RUNX2: variants seen among roughly 807,000 people sequenced by gnomAD.
RUNX2 encodes the protein runt-related transcription factor 2.
In RUNX2, 10 loss-of-function variants were observed where a neutral mutation model predicts 51.7. The observed-to-expected ratio is 0.19, with a 90% confidence interval of 0.12 to 0.33. The LOEUF is 0.33. RUNX2 is among the 10% of genes least tolerant of loss of function. RUNX2 has a pLI of 1.00. For synonymous variants in RUNX2, 276 were observed against 273.6 expected, an observed-to-expected ratio of 1.01 and a Z score of -0.09; for missense variants, 562 against 691.3, an observed-to-expected ratio of 0.81 and a Z score of 2.10.
chr6:45,382,743 G>A (rs1797269525), intron 2 of RUNX2, among the ~76,000 whole-genome samples: 1 of 152,226 alleles, frequency 6.6e-6, no homozygotes, highest in Admixed American at 6.5e-5. Flanking sequence ...GACATCGTAA[G>A]ATTTAGGCTT....
intron 5 of RUNX2, among the ~76,000 whole-genome samples, chr6:45,457,838 G>A (rs898817629): frequency 6.6e-6 from 1 of 152,126 alleles, no homozygotes; most frequent in Non-Finnish European, 1.5e-5. Context: ...GAAAAACATA[G>A]AGGCCCAGTC....
At chr6:45,331,437 G>C (rs10948226) in intron 2 of RUNX2, among the ~76,000 whole-genome samples, 33,268 of 151,752 alleles carry the variant, frequency 0.22, 4,463 homozygotes, top group Non-Finnish European at 0.31. Flanking sequence ...ATAGTTTCAA[G>C]ATTCAGTAGT....
At chr6:45,418,193 T>G (rs910709703) in intron 2 of RUNX2, among the ~76,000 whole-genome samples, 1 of 152,102 alleles carries the variant, frequency 6.6e-6, no homozygotes, top group Non-Finnish European at 1.5e-5. Context: ...TAAAATAATG[T>G]ATGGGGGTTA....
intron 3 of RUNX2, among the ~76,000 whole-genome samples, chr6:45,426,434 C>T (rs890967830): frequency 1.3e-5 from 2 of 152,146 alleles, no homozygotes; most frequent in African/African-American, 4.8e-5. Flanking sequence ...GTGGAGAGAG[C>T]GTGTCAACCA....
chr6:45,463,547 A>G (rs1323545497), intron 5 of RUNX2, among the ~76,000 whole-genome samples: 1 of 152,220 alleles, frequency 6.6e-6, no homozygotes, highest in Non-Finnish European at 1.5e-5. Context: ...AGTAGAACTA[A>G]AACTGATGGA....
At chr6:45,332,497 CT>C (rs1387825751) in intron 2 of RUNX2, among the ~76,000 whole-genome samples, 2 of 151,804 alleles carry the variant, frequency 1.3e-5, no homozygotes, top group East Asian at 3.9e-4. Flanking sequence ...TCTCAAATCC[CT>C]CTCCAAAGCA....
At chr6:45,504,117 A>T (rs1028785790) in intron 6 of RUNX2, among the ~76,000 whole-genome samples, 5 of 152,000 alleles carry the variant, frequency 3.3e-5, no homozygotes, top group African/African-American at 1.2e-4. Context: ...TCAGTTGGAG[A>T]AGGCCCTTGG....
At chr6:45,426,715 C>G (rs1446282883) in intron 3 of RUNX2, among the ~76,000 whole-genome samples, 5 of 152,174 alleles carry the variant, frequency 3.3e-5, no homozygotes, top group Non-Finnish European at 5.9e-5. Flanking sequence ...GATATATAAG[C>G]TAGCACTCAT....
chr6:45,396,750 TA>T (rs1797589678), intron 2 of RUNX2, among the ~76,000 whole-genome samples: 1 of 152,188 alleles, frequency 6.6e-6, no homozygotes, highest in Non-Finnish European at 1.5e-5. Flanking sequence ...TAAATAGAAT[TA>T]TATAATATGT....
At chr6:45,408,067 T>G (rs1461709130) in intron 2 of RUNX2, among the ~76,000 whole-genome samples, 1 of 152,116 alleles carries the variant, frequency 6.6e-6, no homozygotes, top group Non-Finnish European at 1.5e-5. Flanking sequence ...AAGTTAACTG[T>G]TTTTTTGGAA....
chr6:45,448,549 C>T (rs1799068291), intron 5 of RUNX2, among the ~76,000 whole-genome samples: 1 of 152,052 alleles, frequency 6.6e-6, no homozygotes, highest in African/African-American at 2.4e-5. Context: ...GGGGTGACTC[C>T]AGTGCTGGCT....
intron 2 of RUNX2, among the ~76,000 whole-genome samples, chr6:45,403,229 CTTTTT>C (rs201142802): frequency 9.2e-6 from 1 of 108,826 alleles, no homozygotes; most frequent in African/African-American, 3.1e-5. Context: ...GTTTGAGTTT[CTTTTT>C]TTTTTTTTTT....
intron 7 of RUNX2, among the ~76,000 whole-genome samples, chr6:45,526,325 C>T (rs886864558): frequency 2.6e-5 from 4 of 152,090 alleles, no homozygotes; most frequent in South Asian, 2.1e-4. Flanking sequence ...CTCTCATACC[C>T]TTGCATGGTT....
At chr6:45,521,264 A>G (rs1448140089) in intron 7 of RUNX2, among the ~76,000 whole-genome samples, 1 of 152,236 alleles carries the variant, frequency 6.6e-6, no homozygotes, top group African/African-American at 2.4e-5. Flanking sequence ...TGGAACAACA[A>G]AGAAAGGGCA....
intron 2 of RUNX2, among the ~76,000 whole-genome samples, chr6:45,345,226 T>G (rs1203930354): frequency 6.6e-6 from 1 of 152,156 alleles, no homozygotes; most frequent in Non-Finnish European, 1.5e-5. Flanking sequence ...TAAATAAAAC[T>G]TCTGTTCACT....
At chr6:45,430,647 G>T (rs1030997903) in intron 3 of RUNX2, among the ~76,000 whole-genome samples, 5 of 152,104 alleles carry the variant, frequency 3.3e-5, no homozygotes, top group African/African-American at 7.2e-5. Flanking sequence ...AAATGCTTAG[G>T]TTTGTCTTAT....
In RUNX2 at chr6:45,491,972, T is replaced by C. The variant is rs777281204; in HGVS notation, c.717T>C (p.Pro239=). The change falls in exon 6 of 9, where the codon CCT becomes CCC. Residue 239 remains proline (P), a synonymous_variant. Transcript: ENST00000647337. ...GACAGAAGCTTGATGACTCTAAACC[T>C]AGTTTGTTCTCTGACCGCCTCAGTG... ...RHRQKLDDSK[P]SLFSDRLSDL... The C allele has an allele frequency of 1.2e-6, 2 of 1,613,942 alleles. No homozygotes were observed. The highest frequency in any genetic ancestry group is 8.5e-7 in the Non-Finnish European group (1 of 1,179,892).
chr6:45,422,657 C>A lies in RUNX2; in HGVS notation c.123C>A (p.Asp41Glu), dbSNP rs202042342. The A allele has an allele frequency of 1.2e-6, 2 of 1,607,714 alleles. No homozygotes were observed. Among genetic ancestry groups the A allele is most frequent in the African/African-American group, 2.7e-5 (2 of 74,726 alleles). Reference protein sequence around the residue: ...SSSLQPGKMSDVSPVVAAQQQ... With the variant: ...SSSLQPGKMSEVSPVVAAQQQ... ...GCCTGCAGCCCGGCAAAATGAGCGA[C>A]GTGAGCCCGGTGGTGGCTGCGCAAC... Residue 41 changes from aspartate (D) to glutamate (E), a missense_variant, in exon 3 of 9, where the codon GAC (aspartate) becomes GAA (glutamate). By Grantham distance (45) the Asp-to-Glu change is conservative (BLOSUM62 2). Around this residue, in one of 5 missense-constraint regions of RUNX2, gnomAD observed 153 missense variants for 144.8 expected, o/e 1.06. Transcript: ENST00000647337.
intron 2 of RUNX2, among the ~76,000 whole-genome samples, chr6:45,376,763 A>G (rs1037632417): frequency 2.6e-5 from 4 of 152,108 alleles, no homozygotes; most frequent in African/African-American, 9.7e-5. Context: ...TTGTCCTTCA[A>G]GTAAATCTTT....
Sources: allele counts gnomAD v4.1 joint callset (sites outside exome capture counted in the v4.1 genomes callset), GRCh38; gene constraint gnomAD v4.1.1; regional missense constraint gnomAD v4.1.1; transcripts MANE v1.5; gene names NCBI Gene and HGNC (gene_info 2026-07-23, HGNC 2026-07-21).